Variants in RHD observed in about 807,000 individuals in gnomAD.
RHD encodes the protein Rh blood group D antigen.
In RHD, 16 loss-of-function variants were observed where a neutral mutation model predicts 45.5. The observed-to-expected ratio is 0.35, with a 90% confidence interval of 0.24 to 0.53. The LOEUF (loss-of-function observed/expected upper bound fraction) is 0.53. Among genes scored for constraint, RHD ranks in the 20% least tolerant of loss-of-function variants. The pLI, the probability that RHD is intolerant of heterozygous loss-of-function variation, is 0.92. For missense variants in RHD, 306 were observed against 532.0 expected (o/e 0.58, Z 4.18); for synonymous variants, 131 against 217.5 (o/e 0.60, Z 3.50).
intron 1 of RHD, among the ~76,000 whole-genome samples, chr1:25,277,937 G>A (rs1641158056): frequency 7.5e-6 from 1 of 133,428 alleles, no homozygotes; most frequent in African/African-American, 2.6e-5. Flanking sequence ...GCCTCCCAAA[G>A]TGCTGGGATT....
chr1:25,324,926 T>TCTTGG (rs1644890409), intron 9 of RHD, among the ~76,000 whole-genome samples: 1 of 109,982 alleles, frequency 9.1e-6, no homozygotes, highest in Non-Finnish European at 1.8e-5. Context: ...TGGATGCCTG[T>TCTTGG]AATCCCAGCT....
chr1:25,300,375 G>A lies in RHD; in HGVS notation c.487-571G>A, dbSNP rs1290288324. Among the ~76,000 whole-genome samples the A allele has an allele frequency of 2.3e-5, 3 of 130,570 alleles. 1 individual carries two copies. Among genetic ancestry groups the A allele is most frequent in the Non-Finnish European group, 5.4e-5 (3 of 55,438 alleles). The allele number at this position is 130,570 out of a possible 152,430, so 85.7% of individuals were successfully genotyped here. A position where few individuals can be genotyped will look rare whatever the true frequency, so the allele number is the denominator to read the frequency against. ...CAAAATTTAAAAATTGGCCAGGCAT[G>A]GTTGTACATTCCTGTAATCCCAGCT... On this transcript the variant is annotated intron_variant, in intron 3 of 9. Coordinates refer to ENST00000328664, the MANE Select transcript of RHD (RefSeq NM_016124.6).
chr1:25,275,103 A>C (rs1319485906), intron 1 of RHD, among the ~76,000 whole-genome samples: 1 of 132,324 alleles, frequency 7.6e-6, no homozygotes, highest in African/African-American at 2.6e-5. Flanking sequence ...CAGCCTGGCC[A>C]ACATGGTAAA....
At chr1:25,298,087 A>G (rs1312895378) in intron 3 of RHD, among the ~76,000 whole-genome samples, 2 of 119,898 alleles carry the variant, frequency 1.7e-5, no homozygotes, top group East Asian at 2.0e-4. Context: ...ATCCTGCAGA[A>G]AACAACTCTT....
intron 4 of RHD, 115 bp downstream of exon 4, chr1:25,301,208 C>T (rs1344151421): frequency 2.0e-6 from 2 of 1,012,346 alleles, no homozygotes; most frequent in African/African-American, 3.2e-5. Flanking sequence ...TGTCTGAAGC[C>T]CTTCCATCAT....
rs1308999175 is a variant in RHD at position 25,299,641 on chromosome 1, G to A, written c.487-1305G>A. Among the ~76,000 whole-genome samples the A allele has an allele frequency of 4.6e-5, 6 of 130,814 alleles. 1 individual carries two copies. In the East Asian group the frequency reaches 1.2e-3, roughly 26 times the overall value. 85.8% of individuals were successfully genotyped at this position (130,814 alleles called of 152,430 possible). A position where few individuals can be genotyped will look rare whatever the true frequency, so the allele number is the denominator to read the frequency against. On this transcript the variant is annotated intron_variant, in intron 3 of 9. Coordinates refer to ENST00000328664, the MANE Select transcript of RHD (RefSeq NM_016124.6). ...TAGGAGGTGACGCCCGAGAGGTCAG[G>A]TGAGAGTGGATCCTGCAGGGTCGTG...
At position 25,281,740 on chromosome 1, in the gene RHD, A is replaced by C; in HGVS notation, c.149-2833A>C. Among the ~76,000 whole-genome samples, 2 of 130,968 alleles carry C rather than the reference A, an allele frequency of 1.5e-5. 1 individual carries two copies. Among genetic ancestry groups the C allele is most frequent in the Non-Finnish European group, 3.6e-5 (2 of 55,328 alleles). 85.9% of individuals were successfully genotyped at this position (130,968 alleles called of 152,430 possible). Reference sequence around the variant, plus strand: ...TGTCAGAAGAAGTGCAAAGAGTTGAATCCTTCCTAATGCCCACTTCTCACC... The same window carrying C: ...TGTCAGAAGAAGTGCAAAGAGTTGACTCCTTCCTAATGCCCACTTCTCACC... On this transcript the variant is annotated intron_variant, in intron 1 of 9. Transcript: ENST00000328664.
Position 25,330,189 on chromosome 1 carries a change from G to A in RHD, c.*1265G>A, listed in dbSNP as rs2124195440. The stretch of plus-strand genomic sequence containing the variant: ...TTATATTATTGTTTTCTACTGCTAT[G>A]TGTCACACTTTGCCAAACAGGATGT... On this transcript the variant is annotated 3_prime_UTR_variant, in exon 10 of 10. Transcript: ENST00000328664. 7.5e-6 allele frequency: 1 copy of A among 133,014 alleles called. No homozygotes were observed. Among genetic ancestry groups the A allele is most frequent in the Admixed American group, 7.3e-5 (1 of 13,664 alleles). 8.2% of individuals were successfully genotyped at this position (133,014 alleles called of 1,614,324 possible).
At chr1:25,304,198 A>G (rs1311442647) in intron 6 of RHD, among the ~76,000 whole-genome samples, 1 of 89,744 alleles carries the variant, frequency 1.1e-5, no homozygotes, top group African/African-American at 3.7e-5. Context: ...TCTAAGAGAA[A>G]TATTTAGGGA....
At chr1:25,296,598 C>G (rs1376011655) in intron 3 of RHD, among the ~76,000 whole-genome samples, 1 of 131,056 alleles carries the variant, frequency 7.6e-6, no homozygotes, top group African/African-American at 2.6e-5. Flanking sequence ...AATCTCATCT[C>G]GAATTGTAAT....
rs539931619 is a variant in RHD, at chr1:25,293,477, T to C, written c.486+2686T>C. 1.5e-4 allele frequency among the ~76,000 whole-genome samples: 20 copies of C among 131,746 alleles called. 2 individuals are homozygous for C. The highest frequency in any genetic ancestry group is 4.9e-4 in the African/African-American group (19 of 38,688). The allele number at this position is 131,746 out of a possible 152,430, so 86.4% of individuals were successfully genotyped here. ...TTATAGTTTTATATTTGTGGACAGA[T>C]TGTTTTAGAACAAGTAGAATACATT... On this transcript the variant is annotated intron_variant, in intron 3 of 9. Transcript: ENST00000328664.
intron 1 of RHD, among the ~76,000 whole-genome samples, chr1:25,284,082 A>G (rs998894279): frequency 3.7e-5 from 5 of 135,286 alleles, no homozygotes; most frequent in African/African-American, 1.3e-4. Flanking sequence ...TCCCAACAAC[A>G]AGAGCGCTGG....
chr1:25,276,883 G>A (rs1264763123), intron 1 of RHD, among the ~76,000 whole-genome samples: 3 of 131,310 alleles, frequency 2.3e-5, no homozygotes, highest in African/African-American at 2.6e-5. Flanking sequence ...TGGCTAACAC[G>A]ATGAAACCCC....
In RHD at chr1:25,288,259, C is replaced by G. The variant is rs1161132701; in HGVS notation, c.336-2382C>G. Among the ~76,000 whole-genome samples, 2 of 131,452 alleles carry G rather than the reference C, an allele frequency of 1.5e-5. 1 individual carries two copies. Among genetic ancestry groups the G allele is most frequent in the Non-Finnish European group, 3.6e-5 (2 of 55,594 alleles). The allele number at this position is 131,452 out of a possible 152,430, so 86.2% of individuals were successfully genotyped here. ...TCTCAAACTCCTGGGCTCAAGTGAT[C>G]TGCCCACCTCGGCTCTGAAAAGTAC... On this transcript the variant is annotated intron_variant, in intron 2 of 9. Coordinates refer to ENST00000328664, the MANE Select transcript of RHD (RefSeq NM_016124.6).
chr1:25,305,367 A>G (rs1427255494), intron 6 of RHD, among the ~76,000 whole-genome samples: 2 of 95,056 alleles, frequency 2.1e-5, no homozygotes, highest in African/African-American at 3.7e-5. Flanking sequence ...CTAGTTGAGG[A>G]GTCTGGATAT....
chr1:25,321,310 T>C (rs1228135306), intron 8 of RHD, among the ~76,000 whole-genome samples: 1 of 120,224 alleles, frequency 8.3e-6, no homozygotes, highest in Non-Finnish European at 1.9e-5. Context: ...GTGGCTCTCA[T>C]GTACTGCTCA....
Position 25,319,564 on chromosome 1 carries a change from A to G in RHD, c.1154-2325A>G, listed in dbSNP as rs865827083. Among the ~76,000 whole-genome samples, 158 of 132,120 alleles carry G rather than the reference A, an allele frequency of 1.2e-3. 17 individuals carry two copies. The highest frequency in any genetic ancestry group is 3.8e-3 in the African/African-American group (149 of 38,706). The allele number at this position is 132,120 out of a possible 152,430, so 86.7% of individuals were successfully genotyped here. A position where few individuals can be genotyped will look rare whatever the true frequency, so the allele number is the denominator to read the frequency against. Reference sequence around the variant, plus strand: ...GCAGAAGTTGCAGTGAGCTGAGATCATGCCACTGCACTCCAGCCTGGACAA... The same window carrying G: ...GCAGAAGTTGCAGTGAGCTGAGATCGTGCCACTGCACTCCAGCCTGGACAA... On this transcript the variant is annotated intron_variant, in intron 8 of 9. Coordinates refer to ENST00000328664, the MANE Select transcript of RHD (RefSeq NM_016124.6).
In RHD at chr1:25,305,745, C is replaced by T. The variant is rs191493067; in HGVS notation, c.940-851C>T. ...CCTCCTGAGTAGCTGGGTCTACAGG[C>T]GCCCACCACCACGCCCAGCTAATTT... On this transcript the variant is annotated intron_variant, in intron 6 of 9. Coordinates refer to ENST00000328664, the MANE Select transcript of RHD (RefSeq NM_016124.6). Among the ~76,000 whole-genome samples the T allele has an allele frequency of 1.5e-5, 2 of 129,616 alleles. 1 individual carries two copies. Among genetic ancestry groups the T allele is most frequent in the Non-Finnish European group, 3.6e-5 (2 of 55,158 alleles). The allele number at this position is 129,616 out of a possible 152,430, so 85.0% of individuals were successfully genotyped here.
intron 4 of RHD, 65 bp downstream of exon 4, chr1:25,301,158 T>C: frequency 7.6e-7 from 1 of 1,312,982 alleles, no homozygotes. Context: ...GAAAAGGCTC[T>C]GGCTGAAAAA....
Sources: allele counts gnomAD v4.1 joint callset (sites outside exome capture counted in the v4.1 genomes callset), GRCh38; gene constraint gnomAD v4.1.1; transcripts MANE v1.5; gene names NCBI Gene and HGNC (gene_info 2026-07-23, HGNC 2026-07-21).